CNBD1: variants seen among roughly 807,000 people sequenced by gnomAD.
CNBD1 encodes the protein cyclic nucleotide-binding domain-containing protein 1.
A neutral mutation model predicts 54.4 loss-of-function variants in CNBD1; 71 were observed. That is an observed-to-expected ratio of 1.30 (90% confidence interval 1.08 to 1.59). CNBD1 has a LOEUF of 1.59. Among genes scored for constraint, CNBD1 ranks in the 40% most tolerant of loss-of-function variants. CNBD1 has a pLI of 0.00. For synonymous variants in CNBD1, 182 were observed against 170.7 expected (o/e 1.07, Z -0.51); for missense variants, 659 against 518.0 (o/e 1.27, Z -2.64).
In CNBD1 at chr8:87,166,227, C is replaced by G. The variant is rs534243076; in HGVS notation, c.432-39766C>G. ...ACAAACCTAAGCATCATACTTGATG[C>G]TCATACATTCTGTCCCTTTTACACC... On this transcript the variant is annotated intron_variant, in intron 4 of 10. Transcript: ENST00000518476. This position sits in a 1 kb window ranked among gnomAD's most constrained non-coding sequence, Gnocchi z 4.3. Among the ~76,000 whole-genome samples the G allele has an allele frequency of 7.9e-5, 12 of 152,010 alleles. No homozygotes were observed. In the South Asian group the frequency reaches 1.0e-3, roughly 13 times the overall value.
intron 8 of CNBD1, among the ~76,000 whole-genome samples, chr8:87,346,558 C>T (rs1056056334): frequency 1.1e-4 from 17 of 151,502 alleles, no homozygotes; most frequent in East Asian, 5.8e-4. Flanking sequence ...TGTGTATATT[C>T]GCTACACATA....
chr8:87,313,161 T>G (rs1809305397), intron 8 of CNBD1, among the ~76,000 whole-genome samples: 1 of 152,048 alleles, frequency 6.6e-6, no homozygotes, highest in South Asian at 2.1e-4. Context: ...AAAGTGATAT[T>G]GAACTTGAAA....
At chr8:86,984,296 C>T (rs911010406) in intron 4 of CNBD1, among the ~76,000 whole-genome samples, 10 of 152,144 alleles carry the variant, frequency 6.6e-5, no homozygotes, top group African/African-American at 2.2e-4. Context: ...ACCTAGATAC[C>T]CAGGCAGAAG....
chr8:87,266,995 A>G (rs1808271541), intron 6 of CNBD1, among the ~76,000 whole-genome samples: 2 of 152,136 alleles, frequency 1.3e-5, no homozygotes, highest in Admixed American at 6.6e-5. Flanking sequence ...AGACTTACAG[A>G]AGGAAACTAT....
chr8:86,969,891 AT>A (rs1172415763), intron 4 of CNBD1, among the ~76,000 whole-genome samples: 2 of 151,558 alleles, frequency 1.3e-5, no homozygotes, highest in Non-Finnish European at 2.9e-5. Flanking sequence ...TTAAACAATC[AT>A]TTTTAACTTA....
chr8:87,104,667 C>T (rs1811497113), intron 4 of CNBD1, among the ~76,000 whole-genome samples: 1 of 152,182 alleles, frequency 6.6e-6, no homozygotes, highest in Non-Finnish European at 1.5e-5. Flanking sequence ...CACCTCCTCA[C>T]CTTGGTATCT....
At chr8:86,877,897 T>A (rs531956507) in intron 1 of CNBD1, among the ~76,000 whole-genome samples, 1 of 152,254 alleles carries the variant, frequency 6.6e-6, no homozygotes, top group East Asian at 1.9e-4. Flanking sequence ...TTGAATGTGT[T>A]AGCCTCTGTG....
intron 1 of CNBD1, among the ~76,000 whole-genome samples, chr8:86,874,211 G>T (rs1397144850): frequency 1.3e-5 from 2 of 152,042 alleles, no homozygotes; most frequent in Non-Finnish European, 2.9e-5. Flanking sequence ...TTGCTGTCTT[G>T]TCTCTTCAAT....
chr8:87,372,799 A>C (rs774532516), intron 10 of CNBD1, among the ~76,000 whole-genome samples: 8 of 151,858 alleles, frequency 5.3e-5, no homozygotes, highest in Non-Finnish European at 1.0e-4. Context: ...TGTCTAGAAC[A>C]AATTTATTTC....
chr8:87,206,014 T>C lies in CNBD1; in HGVS notation c.453T>C (p.Tyr151=), dbSNP rs752477753. ...LKKLPIHRTP[Y]EHKTVWKFLK... is the part of the protein sequence containing the mutation. ...TGAGGCCCATTCACAGGACGCCATA[T>C]GAACACAAAACTGTGTGGAAGTTCC... The change falls in exon 5 of 11, where the codon TAT becomes TAC. Residue 151 remains tyrosine, a synonymous_variant. Coordinates refer to ENST00000518476, the MANE Select transcript of CNBD1 (RefSeq NM_173538.3). 1.8e-5 allele frequency: 28 copies of C among 1,566,680 alleles called. No individual in the cohort carries two copies. The highest frequency in any genetic ancestry group is 2.2e-5 in the Non-Finnish European group (26 of 1,158,828).
chr8:86,997,834 T>C (rs1035266702), intron 4 of CNBD1, among the ~76,000 whole-genome samples: 1 of 152,152 alleles, frequency 6.6e-6, no homozygotes, highest in Non-Finnish European at 1.5e-5. Flanking sequence ...GGCCTAATTT[T>C]TCTTGGTGGA....
intron 4 of CNBD1, among the ~76,000 whole-genome samples, chr8:87,021,606 A>G (rs1045004536): frequency 1.3e-5 from 2 of 152,204 alleles, no homozygotes; most frequent in Non-Finnish European, 2.9e-5. Context: ...GGCACATTTC[A>G]CAATACCTGG....
chr8:87,258,432 TTTTC>T (rs200503118), intron 6 of CNBD1, among the ~76,000 whole-genome samples: 36,467 of 150,892 alleles, frequency 0.24, 4,484 homozygotes, highest in South Asian at 0.28. Context: ...TATTTCTTTT[TTTTC>T]TTTTTAAGAT....
chr8:86,924,949 T>C (rs1809333635), intron 3 of CNBD1, among the ~76,000 whole-genome samples: 1 of 152,196 alleles, frequency 6.6e-6, no homozygotes. Flanking sequence ...TGTATATTTT[T>C]CTATTGCATT....
chr8:87,419,518 G>T lies in CNBD1; in HGVS notation c.214-9028G>T, dbSNP rs528503868. Among the ~76,000 whole-genome samples the T allele has an allele frequency of 3.3e-5, 5 of 151,958 alleles. No homozygotes were observed. The South Asian group carries it at 8.3e-4, about 25-fold the overall frequency. On this transcript the variant is annotated intron_variant, in intron 2 of 7. Transcript: ENST00000521593. ...ATGTTGTTACATATTTATAGAAATT[G>T]TTCCTATGCCATAAAACTCATTTCA...
intron 4 of CNBD1, among the ~76,000 whole-genome samples, chr8:86,993,930 G>A (rs1390991553): frequency 6.6e-6 from 1 of 152,178 alleles, no homozygotes; most frequent in African/African-American, 2.4e-5. Context: ...CACTGGTGCT[G>A]TACCTGTGCA....
intron 10 of CNBD1, among the ~76,000 whole-genome samples, chr8:87,372,877 C>T (rs941051224): frequency 2.6e-5 from 4 of 151,650 alleles, no homozygotes; most frequent in Admixed American, 1.3e-4. Flanking sequence ...TTTGTGGGCT[C>T]CCAGGAAGAG....
chr8:87,251,474 G>C (rs1302621407), intron 6 of CNBD1, among the ~76,000 whole-genome samples: 1 of 151,844 alleles, frequency 6.6e-6, no homozygotes, highest in Non-Finnish European at 1.5e-5. Context: ...TGTAATCCCA[G>C]CTACTTGACA....
chr8:87,223,096 T>C (rs910546490), intron 5 of CNBD1, among the ~76,000 whole-genome samples: 6 of 150,992 alleles, frequency 4.0e-5, no homozygotes, highest in African/African-American at 1.5e-4. Context: ...TATAAAAATT[T>C]CCAGACTTAC....
Sources: allele counts gnomAD v4.1 joint callset (sites outside exome capture counted in the v4.1 genomes callset), GRCh38; gene constraint gnomAD v4.1.1; non-coding constraint Gnocchi (gnomAD v3.1); transcripts MANE v1.5; gene names NCBI Gene and HGNC (gene_info 2026-07-23, HGNC 2026-07-21).